The following AK9 variants were observed in gnomAD, a reference collection of about 807,000 sequenced individuals.
AK9 encodes adenylate kinase 9.
Under a neutral mutation model 239.6 loss-of-function variants are expected in AK9, and 191 were observed. The ratio of observed to expected loss-of-function variants is 0.80; its 90% confidence interval spans 0.71 to 0.90. The LOEUF is 0.90. Among genes scored for constraint, AK9 ranks in the 40% least tolerant of loss-of-function variants. AK9 has a pLI of 0.00. For synonymous variants in AK9, 689 were observed against 721.0 expected (o/e 0.96, Z 0.71); for missense variants, 1,995 against 2,214.7 (o/e 0.90, Z 1.99).
rs780195575 is a variant in AK9, at chr6:109,548,237, C to CT, written c.2964+1852dup. 3.2e-4 allele frequency among the ~76,000 whole-genome samples: 49 copies of CT among 151,884 alleles called. 1 individual carries two copies. The highest frequency in any genetic ancestry group is 3.4e-3 in the Middle Eastern group (1 of 294). ...TATGACAAAACTATGCATGGATTCACTTTTTTTTGCACCAAATAAACTCAT... is the reference window on the plus strand; with the variant it reads ...TATGACAAAACTATGCATGGATTCACTTTTTTTTTGCACCAAATAAACTCAT... On this transcript the variant is annotated intron_variant, in intron 25 of 40. Transcript: ENST00000424296.
intron 31 of AK9, 21 bp downstream of exon 31, chr6:109,515,836 A>C: frequency 6.6e-7 from 1 of 1,515,694 alleles, no homozygotes; most frequent in South Asian, 1.2e-5. Flanking sequence ...CATGGCTTTC[A>C]GGTGCGTTTG....
chr6:109,624,860 TTTC>T (rs1190905713), intron 12 of AK9, among the ~76,000 whole-genome samples: 1 of 152,116 alleles, frequency 6.6e-6, no homozygotes, highest in African/African-American at 2.4e-5. Context: ...GACTTTATAG[TTTC>T]TTTTCTTTTC....
At chr6:109,593,078 G>A (rs925930370) in intron 17 of AK9, among the ~76,000 whole-genome samples, 2 of 151,512 alleles carry the variant, frequency 1.3e-5, no homozygotes, top group South Asian at 2.1e-4. Flanking sequence ...CTTTATTTTT[G>A]TCTAACTGGG....
Position 109,659,281 on chromosome 6 carries a change from T to C in AK9, c.577A>G (p.Lys193Glu). The C allele has an allele frequency of 6.2e-7, 1 of 1,605,608 alleles. No homozygotes were observed. The change falls in exon 7 of 41, where the codon AAG becomes GAG. Residue 193 changes from lysine to glutamate, a missense_variant. Coordinates refer to ENST00000424296, the MANE Select transcript of AK9 (RefSeq NM_001145128.3). ...NHRKKKKEAQKDGKGEEEEEE... is the reference protein window; with the variant it reads ...NHRKKKKEAQEDGKGEEEEEE... ...TCTTCCTCTTCTCCTTTTCCGTCCT[T>C]TTGGGCTTCTTTCTTCTTTTTCCTA... is the stretch of plus-strand genomic sequence containing the variant.
intron 29 of AK9, 71 bp downstream of exon 29, chr6:109,528,940 T>TTGTGCCAC (rs771279210): frequency 1.2e-5 from 19 of 1,577,556 alleles, no homozygotes; most frequent in East Asian, 2.3e-5. Flanking sequence ...TGAGCTATGA[T>TTGTGCCAC]TGTGCCACTG....
At chr6:109,679,284 C>T (rs934322691) in intron 1 of AK9, among the ~76,000 whole-genome samples, 1 of 152,084 alleles carries the variant, frequency 6.6e-6, no homozygotes, top group African/African-American at 2.4e-5. Flanking sequence ...GGGAGTCTGC[C>T]ATTACTGAGG....
Position 109,668,879 on chromosome 6 carries a change from C to G in AK9, c.331+3040G>C, listed in dbSNP as rs563333037. On this transcript the variant is annotated intron_variant, in intron 5 of 40. Coordinates refer to ENST00000424296, the MANE Select transcript of AK9 (RefSeq NM_001145128.3). ...TGGCTTAGGATTGCCTTGGCGATGCCAGCTCTTTTTTGGTTCCATATGAAC... is the reference window on the plus strand; with the variant it reads ...TGGCTTAGGATTGCCTTGGCGATGCGAGCTCTTTTTTGGTTCCATATGAAC... Among the ~76,000 whole-genome samples, 607 of 87,972 alleles carry G rather than the reference C, an allele frequency of 6.9e-3. 25 individuals are homozygous for G. The highest frequency in any genetic ancestry group is 0.018 in the African/African-American group (555 of 31,232). The allele number at this position is 87,972 out of a possible 152,430, so 57.7% of individuals were successfully genotyped here.
At chr6:109,636,644 T>G (rs1249837756) in intron 10 of AK9, among the ~76,000 whole-genome samples, 1 of 150,610 alleles carries the variant, frequency 6.6e-6, no homozygotes, top group Non-Finnish European at 1.5e-5. Flanking sequence ...AGTGGAATCA[T>G]ATGTTTGCCC....
chr6:109,550,048 A>T (rs1174525758), intron 25 of AK9, 42 bp downstream of exon 25: 2 of 1,590,280 alleles, frequency 1.3e-6, no homozygotes, highest in Non-Finnish European at 1.7e-6. Context: ...GTCCCAAAAA[A>T]ATCCTGTGGG....
At chr6:109,541,134 A>T (rs1279567856) in intron 27 of AK9, among the ~76,000 whole-genome samples, 1 of 152,142 alleles carries the variant, frequency 6.6e-6, no homozygotes, top group Non-Finnish European at 1.5e-5. Context: ...GCCCCTTAGT[A>T]TATCTCTCTG....
intron 20 of AK9, among the ~76,000 whole-genome samples, chr6:109,579,170 T>G (rs1161189521): frequency 6.6e-6 from 1 of 152,218 alleles, no homozygotes; most frequent in African/African-American, 2.4e-5. Context: ...ATTTGCTGTC[T>G]TCTCAACTCC....
At chr6:109,535,078 G>A (rs1781799092) in intron 27 of AK9, among the ~76,000 whole-genome samples, 1 of 152,160 alleles carries the variant, frequency 6.6e-6, no homozygotes, top group African/African-American at 2.4e-5. Context: ...GTGTGCATGT[G>A]GCATTATAGC....
chr6:109,684,048 G>A (rs1244170655), intron 1 of AK9, among the ~76,000 whole-genome samples: 1 of 152,172 alleles, frequency 6.6e-6, no homozygotes, highest in African/African-American at 2.4e-5. Context: ...TACCAAAACA[G>A]ATACATAGAC....
chr6:109,537,569 C>T (rs6916639), intron 27 of AK9, among the ~76,000 whole-genome samples: 70,340 of 119,938 alleles, frequency 0.59, 24,465 homozygotes, highest in East Asian at 0.84. Flanking sequence ...CTTGGATTCA[C>T]TGATTTTTTG....
chr6:109,589,759 G>T (rs556373119), intron 17 of AK9, among the ~76,000 whole-genome samples: 1 of 152,022 alleles, frequency 6.6e-6, no homozygotes, highest in African/African-American at 2.4e-5. Flanking sequence ...GTTGGGTAAG[G>T]GTTTTTATTA....
At chr6:109,565,966 G>T (rs768944640) in intron 21 of AK9, among the ~76,000 whole-genome samples, 2 of 152,016 alleles carry the variant, frequency 1.3e-5, no homozygotes, top group Admixed American at 6.6e-5. Flanking sequence ...TTAATTGTAG[G>T]TTGCTCAATT....
intron 21 of AK9, among the ~76,000 whole-genome samples, chr6:109,569,313 A>C (rs1451679289): frequency 6.6e-6 from 1 of 152,230 alleles, no homozygotes; most frequent in Non-Finnish European, 1.5e-5. Flanking sequence ...GTTAGACCTA[A>C]AACCATAAAA....
chr6:109,520,030 A>G (rs1370430732), intron 29 of AK9, among the ~76,000 whole-genome samples: 1 of 152,032 alleles, frequency 6.6e-6, no homozygotes, highest in Non-Finnish European at 1.5e-5. Context: ...GTTTGTGAAT[A>G]TTTTCTCCTA....
At chr6:109,550,326 G>A (rs1407701372) in intron 24 of AK9, 24 bp from the exon 25 acceptor site, 1 of 1,580,810 alleles carries the variant, frequency 6.3e-7, no homozygotes, top group Non-Finnish European at 8.6e-7. Context: ...TCAAAGTTTG[G>A]AGAACATTAA....
Sources: gnomAD v4.1 joint callset for allele counts (sites outside exome capture counted in the v4.1 genomes callset) on GRCh38, gnomAD v4.1.1 for gene constraint, MANE v1.5 for transcripts, NCBI Gene and HGNC (gene_info 2026-07-23, HGNC 2026-07-21) for gene names.